The following PIGR variants were observed in gnomAD, a reference collection of about 807,000 sequenced individuals.
The protein encoded by PIGR is polymeric immunoglobulin receptor, also known as hepatocellular carcinoma associated protein TB6.
PIGR carries 22 observed loss-of-function variants against 69.5 expected under a neutral mutation model. That is an observed-to-expected ratio of 0.32 (90% CI 0.23 to 0.45). The LOEUF (loss-of-function observed/expected upper bound fraction) is 0.45, where lower values mean the gene tolerates loss of function less well. PIGR is among the 20% of genes least tolerant of loss of function. The probability of loss-of-function intolerance (pLI) is 1.00; values close to 1 mark genes in which losing one functional copy is unlikely to be tolerated. For missense variants in PIGR, 885 were observed against 974.0 expected, an observed-to-expected ratio of 0.91 and a Z score of 1.22; for synonymous variants, 413 against 407.6, an observed-to-expected ratio of 1.01 and a Z score of -0.16.
rs964347775 is a variant in PIGR, at chr1:206,928,795, C to T, written c.*1523G>A. The T allele has an allele frequency of 1.3e-5, 2 of 152,588 alleles. No homozygotes were observed. The highest frequency in any genetic ancestry group is 2.9e-5 in the Non-Finnish European group (2 of 68,102). The allele number at this position is 152,588 out of a possible 1,614,324, so 9.5% of individuals were successfully genotyped here. On this transcript the variant is annotated 3_prime_UTR_variant, in exon 11 of 11. Transcript: ENST00000356495. Reference sequence around the variant, plus strand: ...AATGGTGCGGCCTGGGAAAGATCTCCCTCCTTTACATTTTCTCTTCTCCCT... The same window carrying T: ...AATGGTGCGGCCTGGGAAAGATCTCTCTCCTTTACATTTTCTCTTCTCCCT...
Position 206,930,232 on chromosome 1 carries a change from T to C in PIGR, c.*86A>G. Reference sequence around the variant, plus strand: ...CCTAGGCAGGTGTTAGAGCAGGGAGTGGGGTCCCCAGGAGCTGAGGGCCCC... The same window carrying C: ...CCTAGGCAGGTGTTAGAGCAGGGAGCGGGGTCCCCAGGAGCTGAGGGCCCC... On this transcript the variant is annotated 3_prime_UTR_variant, in exon 11 of 11. Coordinates refer to ENST00000356495, the MANE Select transcript of PIGR (RefSeq NM_002644.4). The surrounding 1 kb of genome is among the most constrained non-coding windows in gnomAD (Gnocchi z 4.3). The C allele has an allele frequency of 1.7e-6, 2 of 1,183,452 alleles. No homozygotes were observed. The highest frequency in any genetic ancestry group is 2.4e-6 in the Non-Finnish European group (2 of 845,000). The allele number at this position is 1,183,452 out of a possible 1,614,324, so 73.3% of individuals were successfully genotyped here.
chr1:206,940,901 G>A (rs922297209), intron 1 of PIGR, among the ~76,000 whole-genome samples: 1 of 152,188 alleles, frequency 6.6e-6, no homozygotes, highest in Non-Finnish European at 1.5e-5. Flanking sequence ...AAGATCTCAG[G>A]AATGGCTTGC....
chr1:206,935,571 G>A lies in PIGR; in HGVS notation c.1293C>T (p.Leu431=). 3.1e-6 allele frequency: 5 copies of A among 1,614,194 alleles called. No homozygotes were observed. The highest frequency in any genetic ancestry group is 4.2e-6 in the Non-Finnish European group (5 of 1,180,028). The change falls in exon 5 of 11, where the codon CTC becomes CTT. Residue 431 remains leucine (L), a synonymous_variant. Transcript: ENST00000356495. This position sits in a 1 kb window ranked among gnomAD's most constrained non-coding sequence, Gnocchi z 4.4. The part of the protein sequence containing the change: ...NGTFTVILNQ[L]TSRDAGFYWC... ...AGTAGAAGCCGGCGTCCCGGCTGGT[G>A]AGCTGGTTGAGGATGACAGTGAAGG...
chr1:206,935,158 C>T lies in PIGR; in HGVS notation c.1378+328G>A, dbSNP rs1572643885. On this transcript the variant is annotated intron_variant, in intron 5 of 10. Coordinates refer to ENST00000356495, the MANE Select transcript of PIGR (RefSeq NM_002644.4). This position sits in a 1 kb window ranked among gnomAD's most constrained non-coding sequence, Gnocchi z 4.4. ...CCAGAGTCTACCATAGACCATAGAT[C>T]TTCACACATGGACTTCAGTTTGCTT... Among the ~76,000 whole-genome samples, 1 of 152,162 alleles carries T rather than the reference C, an allele frequency of 6.6e-6. No homozygotes were observed. Among genetic ancestry groups the T allele is most frequent in the South Asian group, 2.1e-4 (1 of 4,826 alleles).
chr1:206,930,650 C>T lies in PIGR; in HGVS notation c.2200-237G>A, dbSNP rs114119815. ...TGTCTCACTACCTCCTTCTGACACA[C>T]GGAGTGGAACCGCCTCTGTTGCCCG... On this transcript the variant is annotated intron_variant, in intron 10 of 10. Coordinates refer to ENST00000356495, the MANE Select transcript of PIGR (RefSeq NM_002644.4). The surrounding 1 kb of genome is among the most constrained non-coding windows in gnomAD (Gnocchi z 4.3). The T allele has an allele frequency of 3.0e-3, 2,931 of 985,332 alleles. 68 individuals are homozygous for T. In the African/African-American group the frequency reaches 0.045, roughly 15 times the overall value. 61.0% of individuals were successfully genotyped at this position (985,332 alleles called of 1,614,324 possible).
At chr1:206,938,676 G>GT (rs1471428421) in intron 3 of PIGR, among the ~76,000 whole-genome samples, 1 of 151,650 alleles carries the variant, frequency 6.6e-6, no homozygotes, top group East Asian at 1.9e-4. Context: ...GGGTTCCCAG[G>GT]TTAAAAAAAA....
At position 206,934,448 on chromosome 1, in the gene PIGR, A is replaced by G. The variant is rs1223063609; in HGVS notation, c.1677T>C (p.Tyr559=). 2 of 1,613,964 alleles carry G rather than the reference A, an allele frequency of 1.2e-6. No homozygotes were observed. Among genetic ancestry groups the G allele is most frequent in the Admixed American group, 1.7e-5 (1 of 60,022 alleles). The change falls in exon 6 of 11, where the codon TAT becomes TAC. Residue 559 remains tyrosine, a synonymous_variant. Coordinates refer to ENST00000356495, the MANE Select transcript of PIGR (RefSeq NM_002644.4). The part of the protein sequence containing the change: ...GHFYGETAAV[Y]VAVEERKAAG... ...CTGCCTTCCTCTCTTCAACTGCCAC[A>G]TAGACGGCTGCAGTCTCTCCATAGA...
At position 206,935,725 on chromosome 1, in the gene PIGR, C is replaced by T. The variant is rs753794076; in HGVS notation, c.1139G>A (p.Ser380Asn). 3.1e-6 allele frequency: 5 copies of T among 1,614,126 alleles called. No individual in the cohort carries two copies. In the East Asian group the frequency reaches 8.9e-5, roughly 29 times the overall value. ...LCPYNRKESKSIKYWCLWEGA... is the reference protein window; with the variant it reads ...LCPYNRKESKNIKYWCLWEGA... ...TTCCCAGAGACACCAGTACTTGATG[C>T]TTTTGCTTTCCTTACGGTTGTAGGG... The change falls in exon 5 of 11, where the codon AGC (serine) becomes AAC (asparagine). Residue 380 changes from serine (S) to asparagine (N), a missense_variant. Ser to Asn is a conservative substitution (Grantham distance 46). Coordinates refer to ENST00000356495, the MANE Select transcript of PIGR (RefSeq NM_002644.4). This position sits in a 1 kb window ranked among gnomAD's most constrained non-coding sequence, Gnocchi z 4.4.
At chr1:206,934,381 T>C (rs769526489) in intron 6 of PIGR, 39 bp downstream of exon 6, 4 of 1,551,218 alleles carry the variant, frequency 2.6e-6, no homozygotes, top group South Asian at 2.4e-5. Context: ...GTCCTGCCTC[T>C]GGGTCTGAGG....
In PIGR at chr1:206,940,488, C is replaced by T; in HGVS notation, c.43+1G>A. 6.4e-7 allele frequency: 1 copy of T among 1,551,482 alleles called. No individual in the cohort carries two copies. The highest frequency in any genetic ancestry group is 8.7e-7 in the Non-Finnish European group (1 of 1,146,942). On this transcript the variant is annotated splice_donor_variant, in intron 2 of 10. Transcript: ENST00000356495. LOFTEE classifies it high-confidence loss of function. ...GGAGAGTTGGGGCCTGGCAGACACA[C>T]CTGGGAAGACCGCCAGCAGGCAGGT...
At chr1:206,942,280 C>A (rs565860848) in intron 1 of PIGR, among the ~76,000 whole-genome samples, 16 of 152,270 alleles carry the variant, frequency 1.1e-4, no homozygotes, top group African/African-American at 3.9e-4. Context: ...CCAGTCAGCT[C>A]CAACATGGAA....
In PIGR at chr1:206,941,494, G is replaced by A. The variant is rs372262104; in HGVS notation, c.-53-910C>T. Among the ~76,000 whole-genome samples the A allele has an allele frequency of 1.1e-4, 17 of 152,304 alleles. No homozygotes were observed. In the South Asian group the frequency reaches 3.1e-3, roughly 28 times the overall value. ...TATGTTCCCTTGAAATAAGACAGAC[G>A]GGTATAATCACAACCATTTTATGGA... On this transcript the variant is annotated intron_variant, in intron 1 of 10. Coordinates refer to ENST00000356495, the MANE Select transcript of PIGR (RefSeq NM_002644.4).
chr1:206,936,454 C>G (rs550330558), intron 4 of PIGR, among the ~76,000 whole-genome samples: 15 of 152,144 alleles, frequency 9.9e-5, no homozygotes, highest in Admixed American at 9.2e-4. Context: ...AAAAAAGTCA[C>G]AAGCACAGAT....
In PIGR at chr1:206,934,605, G is replaced by A; in HGVS notation, c.1520C>T (p.Pro507Leu). 6.2e-7 allele frequency: 1 copy of A among 1,614,174 alleles called. No homozygotes were observed. Among genetic ancestry groups the A allele is most frequent in the Non-Finnish European group, 8.5e-7 (1 of 1,180,014 alleles). Residue 507 changes from proline (P) to leucine (L), a missense_variant, in exon 6 of 11, where the codon CCC (proline) becomes CTC (leucine). By Grantham distance (98) the Pro-to-Leu change is moderately conservative (BLOSUM62 -3). Coordinates refer to ENST00000356495, the MANE Select transcript of PIGR (RefSeq NM_002644.4). ...KWNNTGCQAL[P>L]SQDEGPSKAF... is the part of the protein sequence containing the mutation. ...CTTGCTGGGGCCTTCGTCTTGGCTG[G>A]GCAGGGCCTGGCAGCCCGTGTTATT...
rs1679688906 is a variant in PIGR, at chr1:206,929,593, A to G, written c.*725T>C. On this transcript the variant is annotated 3_prime_UTR_variant, in exon 11 of 11. Coordinates refer to ENST00000356495, the MANE Select transcript of PIGR (RefSeq NM_002644.4). ...AAACGCTTCACTCTTCCAAACCTCA[A>G]TTTTCTTATGTGTGAAATGGTAAGA... 6.6e-6 allele frequency: 1 copy of G among 152,040 alleles called. No individual in the cohort carries two copies. The highest frequency in any genetic ancestry group is 1.5e-5 in the Non-Finnish European group (1 of 68,004). 9.4% of individuals were successfully genotyped at this position (152,040 alleles called of 1,614,324 possible).
chr1:206,939,018 G>T, intron 3 of PIGR, 101 bp downstream of exon 3: 2 of 1,062,864 alleles, frequency 1.9e-6, no homozygotes, highest in Non-Finnish European at 2.7e-6. Context: ...CCCCAACCCG[G>T]CTACACATCC....
At chr1:206,934,857 ATATTTTTG>A in intron 5 of PIGR, 111 bp from the exon 6 acceptor site, 1 of 622,316 alleles carries the variant, frequency 1.6e-6, no homozygotes, top group Non-Finnish European at 2.5e-6. Flanking sequence ...ATATATATAT[ATATTTTTG>A]TTTTTGTTTT....
At chr1:206,945,360 A>C (rs550338390) in intron 1 of PIGR, among the ~76,000 whole-genome samples, 19 of 152,224 alleles carry the variant, frequency 1.2e-4, no homozygotes, top group Non-Finnish European at 2.4e-4. Context: ...ACTGGGGGTC[A>C]GGGATGGAGC....
At chr1:206,931,166 G>T (rs548333484) in intron 10 of PIGR, 2 of 985,328 alleles carry the variant, frequency 2.0e-6, no homozygotes, top group Non-Finnish European at 1.2e-6. Context: ...AACCCAGGAA[G>T]AGCATCCATT....
Sources: gnomAD v4.1 joint callset for allele counts (sites outside exome capture counted in the v4.1 genomes callset) on GRCh38, gnomAD v4.1.1 for gene constraint, Gnocchi (gnomAD v3.1) non-coding constraint, MANE v1.5 for transcripts, NCBI Gene and HGNC (gene_info 2026-07-23, HGNC 2026-07-21) for gene names.